The following FSTL4 variants were observed in gnomAD, a reference collection of about 807,000 sequenced individuals.
The protein encoded by FSTL4 is follistatin like 4, also known as follistatin-related protein 4.
A neutral mutation model predicts 78.2 loss-of-function variants in FSTL4; 28 were observed. That is an observed-to-expected ratio of 0.36 (90% confidence interval 0.27 to 0.49). FSTL4 has a LOEUF of 0.49. Ranked by LOEUF, FSTL4 falls within the 20% of genes least tolerant of loss-of-function variation. The probability of loss-of-function intolerance (pLI) is 0.98; values close to 1 mark genes in which losing one functional copy is unlikely to be tolerated. For synonymous variants in FSTL4, 422 were observed against 440.5 expected (o/e 0.96, Z 0.53); for missense variants, 922 against 1,084.9 (o/e 0.85, Z 2.11).
the FSTL4 span, among the ~76,000 whole-genome samples, chr5:133,690,025 T>C: frequency 5.3e-5 from 8 of 152,052 alleles, no homozygotes; most frequent in Non-Finnish European, 8.8e-5. Context: ...CACACCATTG[T>C]ACTCCAGCCT....
chr5:133,365,561 T>C (rs1027755772), intron 4 of FSTL4, among the ~76,000 whole-genome samples: 1 of 152,134 alleles, frequency 6.6e-6, no homozygotes, highest in African/African-American at 2.4e-5. Context: ...GGCAGGATGT[T>C]CTATCGATTT....
the FSTL4 span, among the ~76,000 whole-genome samples, chr5:133,835,557 A>G: frequency 6.6e-6 from 1 of 152,256 alleles, no homozygotes; most frequent in East Asian, 1.9e-4. Flanking sequence ...CATATGAACC[A>G]GGAAGATCTC....
intron 6 of FSTL4, among the ~76,000 whole-genome samples, chr5:133,275,566 AAC>A (rs200527178): frequency 0.02 from 2,535 of 126,116 alleles, 64 homozygotes; most frequent in African/African-American, 0.072. Flanking sequence ...GTCTTAAAAA[AAC>A]AAAAAAAAAA....
intron 3 of FSTL4, among the ~76,000 whole-genome samples, chr5:133,414,319 G>A (rs1051605679): frequency 6.6e-6 from 1 of 152,158 alleles, no homozygotes; most frequent in Non-Finnish European, 1.5e-5. Context: ...CCTTGGGACT[G>A]GGTGGATTTC....
chr5:133,803,937 T>G, the FSTL4 span, among the ~76,000 whole-genome samples: 1 of 152,164 alleles, frequency 6.6e-6, no homozygotes, highest in Non-Finnish European at 1.5e-5. Flanking sequence ...GTGGAAGCTA[T>G]GAGCCAATGA....
chr5:133,831,965 G>C, the FSTL4 span, among the ~76,000 whole-genome samples: 6 of 152,226 alleles, frequency 3.9e-5, no homozygotes, highest in African/African-American at 1.2e-4. Context: ...ACACGGTGGA[G>C]CTCCAGGGAG....
the FSTL4 span, among the ~76,000 whole-genome samples, chr5:133,721,819 G>A: frequency 6.6e-6 from 1 of 152,050 alleles, no homozygotes; most frequent in African/African-American, 2.4e-5. Flanking sequence ...TGTTCATATC[G>A]CTCTGAAAAC....
chr5:133,508,223 C>A lies in FSTL4; in HGVS notation c.160+58963G>T, dbSNP rs568750825. Among the ~76,000 whole-genome samples the A allele has an allele frequency of 2.0e-5, 3 of 152,296 alleles. No homozygotes were observed. The South Asian group carries it at 6.2e-4, about 32-fold the overall frequency. On this transcript the variant is annotated intron_variant, in intron 3 of 15. Coordinates refer to ENST00000265342, the MANE Select transcript of FSTL4 (RefSeq NM_015082.2). ...GGTAGGATTGGTGCCTGGCACTCAG[C>A]AAGCATGCAGTGAATGTTAGCTAAC...
intron 6 of FSTL4, among the ~76,000 whole-genome samples, chr5:133,252,927 T>C (rs957695158): frequency 2.6e-4 from 39 of 152,312 alleles, no homozygotes; most frequent in Non-Finnish European, 4.0e-4. Flanking sequence ...ATGTAGAAGA[T>C]GTGCACTTTG....
At chr5:133,347,002 GTTTT>G (rs553201476) in intron 4 of FSTL4, among the ~76,000 whole-genome samples, 1 of 151,264 alleles carries the variant, frequency 6.6e-6, no homozygotes, top group Non-Finnish European at 1.5e-5. Context: ...CCCTCTAAAG[GTTTT>G]TTTTTATTAG....
intron 3 of FSTL4, among the ~76,000 whole-genome samples, chr5:133,465,204 T>C (rs906196932): frequency 6.6e-6 from 1 of 152,214 alleles, no homozygotes; most frequent in Admixed American, 6.5e-5. Context: ...GCCCATGCCA[T>C]GCTCACTCCT....
chr5:133,596,483 C>T (rs1760739290), intron 2 of FSTL4, among the ~76,000 whole-genome samples: 1 of 152,166 alleles, frequency 6.6e-6, no homozygotes, highest in Admixed American at 6.5e-5. Context: ...AATCTAGATC[C>T]CAAATAACAC....
the FSTL4 span, among the ~76,000 whole-genome samples, chr5:133,764,300 C>A: frequency 6.6e-6 from 1 of 152,156 alleles, no homozygotes; most frequent in African/African-American, 2.4e-5. Flanking sequence ...GGGATCAGAG[C>A]AGCCCAGGTT....
At chr5:133,540,972 C>A (rs1159171503) in intron 3 of FSTL4, among the ~76,000 whole-genome samples, 1 of 152,120 alleles carries the variant, frequency 6.6e-6, no homozygotes, top group Non-Finnish European at 1.5e-5. Flanking sequence ...CTCCTCAGGA[C>A]TCTGCCAGCC....
chr5:133,295,116 C>T (rs1357556216), intron 6 of FSTL4, among the ~76,000 whole-genome samples: 1 of 152,168 alleles, frequency 6.6e-6, no homozygotes, highest in Non-Finnish European at 1.5e-5. Context: ...ACAATCGTTC[C>T]CGACCTTCTT....
Position 133,323,051 on chromosome 5 carries a change from C to A in FSTL4, c.410-6399G>T, listed in dbSNP as rs144803630. Among the ~76,000 whole-genome samples the A allele has an allele frequency of 1.8e-3, 267 of 152,290 alleles. 1 individual carries two copies. The highest frequency in any genetic ancestry group is 3.3e-3 in the Non-Finnish European group (223 of 68,030). On this transcript the variant is annotated intron_variant, in intron 4 of 15. Transcript: ENST00000265342. Reference sequence around the variant, plus strand: ...CAGGGCATTTTCATGAAGCTGGAGCCAGGGTGATGGGCTCACCCTATAACA... The same window carrying A: ...CAGGGCATTTTCATGAAGCTGGAGCAAGGGTGATGGGCTCACCCTATAACA...
At chr5:133,371,821 C>T (rs991966383) in intron 4 of FSTL4, among the ~76,000 whole-genome samples, 8 of 152,202 alleles carry the variant, frequency 5.3e-5, no homozygotes, top group Admixed American at 3.9e-4. Context: ...TGGAAGGACT[C>T]CTCATCGTCA....
chr5:133,374,430 C>T (rs531038330), intron 4 of FSTL4, among the ~76,000 whole-genome samples: 73 of 152,200 alleles, frequency 4.8e-4, no homozygotes, highest in African/African-American at 1.7e-3. Context: ...TTGAGCTGTG[C>T]AGATGAAATG....
the FSTL4 span, among the ~76,000 whole-genome samples, chr5:133,676,698 C>T: frequency 6.6e-6 from 1 of 152,154 alleles, no homozygotes; most frequent in South Asian, 2.1e-4. Flanking sequence ...AGATAGATTG[C>T]TCTTTTGGCC....
Sources: allele counts gnomAD v4.1 joint callset (sites outside exome capture counted in the v4.1 genomes callset), GRCh38; gene constraint gnomAD v4.1.1; transcripts MANE v1.5; gene names NCBI Gene and HGNC (gene_info 2026-07-23, HGNC 2026-07-21).